The following DMTF1 variants were observed in gnomAD, a reference collection of about 807,000 sequenced individuals.
DMTF1 encodes the protein cyclin D binding myb like transcription factor 1.
In DMTF1, 39 loss-of-function variants were observed where a neutral mutation model predicts 91.1. The observed-to-expected ratio is 0.43, with a 90% CI of 0.33 to 0.56. The LOEUF is 0.56. Among genes scored for constraint, DMTF1 ranks in the 20% least tolerant of loss-of-function variants. DMTF1 has a pLI of 0.05. For missense variants in DMTF1, 750 were observed against 914.5 expected, an observed-to-expected ratio of 0.82 and a Z score of 2.32; for synonymous variants, 338 against 309.5, an observed-to-expected ratio of 1.09 and a Z score of -0.97.
chr7:87,168,133 A>T (rs747901365), intron 4 of DMTF1, among the ~76,000 whole-genome samples: 1 of 152,208 alleles, frequency 6.6e-6, no homozygotes, highest in Admixed American at 6.5e-5. Flanking sequence ...ATGTTTAGCA[A>T]TAAGACTGAT....
intron 7 of DMTF1, among the ~76,000 whole-genome samples, chr7:87,177,519 C>A (rs1475167453): frequency 6.6e-6 from 1 of 152,076 alleles, no homozygotes; most frequent in African/African-American, 2.4e-5. Flanking sequence ...ATTTGTATTA[C>A]AGATACCTTG....
At chr7:87,166,350 A>G (rs1027548936) in intron 3 of DMTF1, 133 bp from the exon 4 acceptor site, 5 of 821,878 alleles carry the variant, frequency 6.1e-6, no homozygotes, top group Non-Finnish European at 9.3e-6. Context: ...CTGTTTGCAC[A>G]ACTAGGTTTA....
chr7:87,182,960 TG>T (rs1400134010), intron 10 of DMTF1, among the ~76,000 whole-genome samples: 1 of 152,180 alleles, frequency 6.6e-6, no homozygotes, highest in African/African-American at 2.4e-5. Context: ...TGCTATTAAC[TG>T]TCATTTAACC....
intron 1 of DMTF1, chr7:87,162,865 A>C (rs888458065): frequency 1.3e-5 from 2 of 150,216 alleles, no homozygotes; most frequent in African/African-American, 2.4e-5. Flanking sequence ...AAAGATGAGA[A>C]GCTTATTGAA....
Position 87,193,199 on chromosome 7 carries a change from C to G in DMTF1, c.1496C>G (p.Ser499Cys). The change falls in exon 15 of 18, where the codon TCT (serine) becomes TGT (cysteine). Residue 499 changes from serine (S) to cysteine (C), a missense_variant and splice_region_variant. Physicochemically the swap from Ser to Cys is moderately radical, Grantham distance 112. Coordinates refer to ENST00000331242, the MANE Select transcript of DMTF1 (RefSeq NM_001142327.2). Reference sequence around the variant, plus strand: ...AACTATCTTTCCTTTTTCCTTTAGTCTTTCCATCTACAGCCCACTGGCACT... The same window carrying G: ...AACTATCTTTCCTTTTTCCTTTAGTGTTTCCATCTACAGCCCACTGGCACT... Reference protein sequence around the residue: ...GTLQTFEILPSFHLQPTGTPG... With the variant: ...GTLQTFEILPCFHLQPTGTPG... The G allele has an allele frequency of 6.2e-7, 1 of 1,611,594 alleles. No individual in the cohort carries two copies. The highest frequency in any genetic ancestry group is 1.1e-5 in the South Asian group (1 of 90,828).
At chr7:87,160,590 C>T (rs940019387) in intron 1 of DMTF1, among the ~76,000 whole-genome samples, 11 of 152,164 alleles carry the variant, frequency 7.2e-5, no homozygotes, top group African/African-American at 2.6e-4. Context: ...AGTTTCTTTT[C>T]TTCCCTACTT....
intron 17 of DMTF1, 76 bp downstream of exon 17, chr7:87,194,904 C>G: frequency 6.6e-7 from 1 of 1,503,932 alleles, no homozygotes; most frequent in Non-Finnish European, 9.1e-7. Flanking sequence ...TAACTTGTTT[C>G]AGTCTTTCTT....
intron 1 of DMTF1, among the ~76,000 whole-genome samples, chr7:87,159,281 AC>A (rs1236900637): frequency 6.6e-6 from 1 of 152,198 alleles, no homozygotes; most frequent in Non-Finnish European, 1.5e-5. Flanking sequence ...AAATTTAAAC[AC>A]ATCTGATAGT....
At chr7:87,188,919 AC>A (rs1799104942) in intron 13 of DMTF1, among the ~76,000 whole-genome samples, 1 of 152,152 alleles carries the variant, frequency 6.6e-6, no homozygotes, top group Admixed American at 6.5e-5. Flanking sequence ...AATTATAGTG[AC>A]AAAAAAAGGA....
Position 87,190,482 on chromosome 7 carries a change from C to T in DMTF1, c.1412-463C>T, listed in dbSNP as rs1245243441. ...AGTTCCTGTCTTTTTGCAGGTTGGT[C>T]TTAGTGTGTTCCTCTTTACTTCCTA... On this transcript the variant is annotated intron_variant, in intron 13 of 17. Coordinates refer to ENST00000331242, the MANE Select transcript of DMTF1 (RefSeq NM_001142327.2). Among the ~76,000 whole-genome samples the T allele has an allele frequency of 1.3e-5, 2 of 151,986 alleles. 1 individual carries two copies. Among genetic ancestry groups the T allele is most frequent in the Admixed American group, 1.3e-4 (2 of 15,240 alleles).
chr7:87,155,466 C>T (rs1036063169), intron 1 of DMTF1: 5 of 151,978 alleles, frequency 3.3e-5, no homozygotes, highest in Non-Finnish European at 5.9e-5. Flanking sequence ...TCCTTTATGT[C>T]TCCAAATGAT....
In DMTF1 at chr7:87,166,468, G is replaced by A. The variant is rs1234955294; in HGVS notation, c.110-15G>A. 2 of 1,597,972 alleles carry A rather than the reference G, an allele frequency of 1.3e-6. No homozygotes were observed. The highest frequency in any genetic ancestry group is 1.7e-6 in the Non-Finnish European group (2 of 1,174,210). On this transcript the variant is annotated splice_polypyrimidine_tract_variant and intron_variant, in intron 3 of 17. Coordinates refer to ENST00000331242, the MANE Select transcript of DMTF1 (RefSeq NM_001142327.2). ...TTTGGTTTGAAATTTTTGTTTGTTT[G>A]TTTTCTTCCATTAGAAGCGGATGAA... is the stretch of plus-strand genomic sequence containing the variant.
chr7:87,159,312 C>T (rs1351583857), intron 1 of DMTF1, among the ~76,000 whole-genome samples: 2 of 152,136 alleles, frequency 1.3e-5, no homozygotes, highest in Non-Finnish European at 2.9e-5. Context: ...AAGCCACTCT[C>T]CACTGATAAA....
chr7:87,196,148 A>G lies in DMTF1; in HGVS notation c.*1008A>G, dbSNP rs1483611597. On this transcript the variant is annotated 3_prime_UTR_variant, in exon 18 of 18. Coordinates refer to ENST00000331242, the MANE Select transcript of DMTF1 (RefSeq NM_001142327.2). Reference sequence around the variant, plus strand: ...GAATATGACCCCTATAGAAAAGTCAAGAAAAAAAAACCCTTGTATAAATTA... The same window carrying G: ...GAATATGACCCCTATAGAAAAGTCAGGAAAAAAAAACCCTTGTATAAATTA... 1 of 153,394 alleles carries G rather than the reference A, an allele frequency of 6.5e-6. No homozygotes were observed. The highest frequency in any genetic ancestry group is 1.5e-5 in the Non-Finnish European group (1 of 68,668). 9.5% of individuals were successfully genotyped at this position (153,394 alleles called of 1,614,324 possible).
intron 6 of DMTF1, among the ~76,000 whole-genome samples, 163 bp from the exon 7 acceptor site, chr7:87,174,430 C>A (rs1289268505): frequency 1.3e-5 from 2 of 152,040 alleles, no homozygotes; most frequent in South Asian, 2.1e-4. Context: ...CCAGAAGTTA[C>A]AAAAGCAAGT....
chr7:87,180,856 C>CTTTTTTT (rs397889347), intron 8 of DMTF1, among the ~76,000 whole-genome samples: 3 of 127,698 alleles, frequency 2.3e-5, no homozygotes, highest in African/African-American at 5.9e-5. Context: ...TTATTTTCAA[C>CTTTTTTT]TTTTTTTTTT....
chr7:87,155,676 T>C (rs1790492485), intron 1 of DMTF1: 1 of 152,180 alleles, frequency 6.6e-6, no homozygotes, highest in Non-Finnish European at 1.5e-5. Flanking sequence ...TTGTGTTTGC[T>C]TTGATTCTAT....
intron 14 of DMTF1, 137 bp from the exon 15 acceptor site, chr7:87,193,061 T>C: frequency 1.2e-6 from 1 of 802,708 alleles, no homozygotes; most frequent in South Asian, 1.8e-5. Context: ...TTGAGACGAT[T>C]ATGCCCTACA....
intron 6 of DMTF1, among the ~76,000 whole-genome samples, 178 bp from the exon 7 acceptor site, chr7:87,174,415 A>G (rs1795809724): frequency 6.6e-6 from 1 of 152,160 alleles, no homozygotes; most frequent in Non-Finnish European, 1.5e-5. Context: ...ATTCTAGCGT[A>G]AAAACCAGAA....
Sources: allele counts gnomAD v4.1 joint callset (sites outside exome capture counted in the v4.1 genomes callset), GRCh38; gene constraint gnomAD v4.1.1; transcripts MANE v1.5; gene names NCBI Gene and HGNC (gene_info 2026-07-23, HGNC 2026-07-21).